RSRC1: variants seen among roughly 807,000 people sequenced by gnomAD.
The protein encoded by RSRC1 is arginine and serine rich coiled-coil 1, also known as serine/Arginine-related protein 53.
A neutral mutation model predicts 49.1 loss-of-function variants in RSRC1; 39 were observed. That is an observed-to-expected ratio of 0.79 (90% confidence interval 0.61 to 1.04). The LOEUF (loss-of-function observed/expected upper bound fraction) is 1.04, where lower values mean the gene tolerates loss of function less well. RSRC1 is among the 50% of genes least tolerant of loss of function. The pLI, the probability that RSRC1 is intolerant of heterozygous loss-of-function variation, is 0.00. For missense variants in RSRC1, 388 were observed against 402.4 expected (o/e 0.96, Z 0.31); for synonymous variants, 143 against 130.8 (o/e 1.09, Z -0.63).
intron 6 of RSRC1, among the ~76,000 whole-genome samples, chr3:158,450,215 T>C (rs1736947080): frequency 6.6e-6 from 1 of 152,034 alleles, no homozygotes; most frequent in Admixed American, 6.6e-5. Flanking sequence ...TTTGTAAATC[T>C]GTTTTGAGTG....
chr3:158,353,850 A>T (rs1731006547), intron 5 of RSRC1, among the ~76,000 whole-genome samples: 1 of 152,168 alleles, frequency 6.6e-6, no homozygotes, highest in Non-Finnish European at 1.5e-5. Flanking sequence ...AGTCTCAAGT[A>T]TGGACAACAG....
chr3:158,470,797 A>G (rs550683238), intron 7 of RSRC1, among the ~76,000 whole-genome samples: 12 of 152,166 alleles, frequency 7.9e-5, no homozygotes, highest in Non-Finnish European at 1.6e-4. Context: ...AGCAGGACCC[A>G]ATCGAAATCA....
chr3:158,327,403 A>T (rs1474109025), intron 5 of RSRC1, among the ~76,000 whole-genome samples: 2 of 152,184 alleles, frequency 1.3e-5, no homozygotes, highest in African/African-American at 4.8e-5. Flanking sequence ...ACTGCTTTGA[A>T]TGCATCCCAG....
intron 3 of RSRC1, among the ~76,000 whole-genome samples, chr3:158,190,648 T>C (rs555074161): frequency 1.3e-5 from 2 of 151,742 alleles, no homozygotes; most frequent in African/African-American, 4.8e-5. Context: ...TGCTTGTTTC[T>C]TTATATTTGA....
At chr3:158,223,161 G>A (rs756291786) in intron 4 of RSRC1, among the ~76,000 whole-genome samples, 1 of 151,370 alleles carries the variant, frequency 6.6e-6, no homozygotes, top group African/African-American at 2.4e-5. Context: ...GATCTTCCTC[G>A]TATGCCCTTC....
intron 6 of RSRC1, among the ~76,000 whole-genome samples, chr3:158,430,075 A>AT (rs1735697994): frequency 2.7e-5 from 4 of 148,704 alleles, no homozygotes; most frequent in African/African-American, 1.0e-4. Context: ...ACACACACAA[A>AT]AAAAATAAAA....
At chr3:158,348,105 G>A (rs1730661216) in intron 5 of RSRC1, among the ~76,000 whole-genome samples, 1 of 152,026 alleles carries the variant, frequency 6.6e-6, no homozygotes, top group Admixed American at 6.6e-5. Context: ...TTGTTTCCAA[G>A]TTTGAGTTCT....
intron 5 of RSRC1, chr3:158,302,575 T>TTTG (rs1298100716): frequency 6.6e-6 from 1 of 151,118 alleles, no homozygotes; most frequent in South Asian, 2.1e-4. Context: ...TTTTTTTTTT[T>TTTG]TTAATGCTGC....
intron 4 of RSRC1, among the ~76,000 whole-genome samples, chr3:158,234,273 G>A (rs1373712123): frequency 6.6e-6 from 1 of 152,142 alleles, no homozygotes; most frequent in Non-Finnish European, 1.5e-5. Context: ...ATAATTTGGG[G>A]TTTTAGTAAT....
chr3:158,489,302 A>C (rs907556477), intron 7 of RSRC1, among the ~76,000 whole-genome samples: 2 of 152,204 alleles, frequency 1.3e-5, no homozygotes, highest in Non-Finnish European at 1.5e-5. Flanking sequence ...TTATACTTTC[A>C]TAAATAACCA....
intron 6 of RSRC1, among the ~76,000 whole-genome samples, chr3:158,457,244 T>A (rs1737376841): frequency 6.6e-6 from 1 of 152,160 alleles, no homozygotes; most frequent in African/African-American, 2.4e-5. Flanking sequence ...TGGAAAGGAA[T>A]GAATGGATTC....
chr3:158,481,449 TCA>T (rs1738613190), intron 7 of RSRC1, among the ~76,000 whole-genome samples: 1 of 152,038 alleles, frequency 6.6e-6, no homozygotes. Context: ...TTTACACAAA[TCA>T]CACAAGAGAA....
chr3:158,350,892 G>A (rs769528777), intron 5 of RSRC1, among the ~76,000 whole-genome samples: 2 of 152,052 alleles, frequency 1.3e-5, no homozygotes, highest in Non-Finnish European at 2.9e-5. Context: ...ATTTTAGCAC[G>A]CAGGCCCCAA....
chr3:158,379,566 A>G (rs1015272437), intron 6 of RSRC1, among the ~76,000 whole-genome samples: 7 of 151,940 alleles, frequency 4.6e-5, no homozygotes, highest in Non-Finnish European at 1.5e-5. Context: ...GAATCCGATG[A>G]GCTATCTTTT....
intron 6 of RSRC1, among the ~76,000 whole-genome samples, chr3:158,457,711 T>C (rs1240827370): frequency 1.3e-5 from 2 of 148,508 alleles, no homozygotes. Context: ...TTTTTTGTTT[T>C]TCGTTTTTTG....
At chr3:158,250,314 C>G (rs1379896673) in intron 4 of RSRC1, among the ~76,000 whole-genome samples, 1 of 152,130 alleles carries the variant, frequency 6.6e-6, no homozygotes, top group Non-Finnish European at 1.5e-5. Flanking sequence ...AATTTCCTTT[C>G]TTTTGGTTAT....
At chr3:158,338,960 A>G (rs1303842476) in intron 5 of RSRC1, among the ~76,000 whole-genome samples, 1 of 152,216 alleles carries the variant, frequency 6.6e-6, no homozygotes, top group Non-Finnish European at 1.5e-5. Flanking sequence ...CTCGAACATT[A>G]TAAGCATATG....
intron 3 of RSRC1, among the ~76,000 whole-genome samples, chr3:158,143,636 CAT>C (rs1440243193): frequency 7.2e-5 from 11 of 151,990 alleles, no homozygotes; most frequent in African/African-American, 2.7e-4. Context: ...ATGTTACTAA[CAT>C]AGTATTCTCC....
chr3:158,389,246 A>G (rs1733143255), intron 6 of RSRC1, among the ~76,000 whole-genome samples: 2 of 152,170 alleles, frequency 1.3e-5, no homozygotes, highest in African/African-American at 4.8e-5. Context: ...GTTTTACCAT[A>G]AAGAAAAGCA....
Sources: allele counts gnomAD v4.1 joint callset (sites outside exome capture counted in the v4.1 genomes callset), GRCh38; gene constraint gnomAD v4.1.1; transcripts MANE v1.5; gene names NCBI Gene and HGNC (gene_info 2026-07-23, HGNC 2026-07-21).